The following ROBO2 variants were observed in gnomAD, a reference collection of about 807,000 sequenced individuals.
ROBO2 encodes roundabout homolog 2.
Under a neutral mutation model 160.8 loss-of-function variants are expected in ROBO2, and 53 were observed. The ratio of observed to expected loss-of-function variants is 0.33; its 90% CI spans 0.26 to 0.41. The LOEUF is 0.41. Among genes scored for constraint, ROBO2 ranks in the 10% least tolerant of loss-of-function variants. The pLI is 1.00. For missense variants in ROBO2, 1,577 were observed against 1,722.4 expected (o/e 0.92, Z 1.49); for synonymous variants, 664 against 611.7 (o/e 1.09, Z -1.26).
At chr3:76,226,417 G>T (rs559238179) in intron 2 of ROBO2, among the ~76,000 whole-genome samples, 1 of 152,172 alleles carries the variant, frequency 6.6e-6, no homozygotes, top group South Asian at 2.1e-4. Context: ...TGCCCTGAAG[G>T]GTGGTGATGA....
chr3:76,158,889 T>C (rs956191319), intron 2 of ROBO2, among the ~76,000 whole-genome samples: 23 of 152,188 alleles, frequency 1.5e-4, no homozygotes, highest in African/African-American at 3.9e-4. Flanking sequence ...CATAAAAATA[T>C]AGTGTTACAG....
chr3:76,001,921 C>T (rs1470769555), intron 2 of ROBO2, among the ~76,000 whole-genome samples: 2 of 152,122 alleles, frequency 1.3e-5, no homozygotes, highest in Non-Finnish European at 2.9e-5. Context: ...CGGATATTTT[C>T]TCTTAGCACT....
At chr3:76,465,228 T>C (rs1283129993) in intron 2 of ROBO2, among the ~76,000 whole-genome samples, 2 of 152,104 alleles carry the variant, frequency 1.3e-5, no homozygotes, top group Non-Finnish European at 2.9e-5. Context: ...TATCTTAAGA[T>C]ATGTTTCTAC....
At chr3:76,108,714 C>G (rs918472804) in intron 2 of ROBO2, among the ~76,000 whole-genome samples, 2 of 151,170 alleles carry the variant, frequency 1.3e-5, no homozygotes, top group Non-Finnish European at 3.0e-5. Flanking sequence ...TTAAGTAATT[C>G]ATTGAACACA....
chr3:77,089,310 T>C (rs975202259), intron 1 of ROBO2, among the ~76,000 whole-genome samples: 2 of 152,176 alleles, frequency 1.3e-5, no homozygotes, highest in African/African-American at 4.8e-5. Context: ...TCCTCATCTA[T>C]AAAATAAGGG....
intron 2 of ROBO2, among the ~76,000 whole-genome samples, chr3:76,946,338 G>A (rs188543784): frequency 2.0e-5 from 3 of 152,030 alleles, no homozygotes; most frequent in African/African-American, 4.8e-5. Context: ...TCTCACACAC[G>A]TACTGATTAC....
chr3:76,216,853 A>T (rs1317228773), intron 2 of ROBO2, among the ~76,000 whole-genome samples: 3 of 152,232 alleles, frequency 2.0e-5, no homozygotes, highest in African/African-American at 7.2e-5. Flanking sequence ...TCAACAGAAT[A>T]TAAATTCTTT....
intron 6 of ROBO2, among the ~76,000 whole-genome samples, chr3:77,538,492 T>C (rs1312185365): frequency 6.6e-6 from 1 of 152,134 alleles, no homozygotes; most frequent in Non-Finnish European, 1.5e-5. Flanking sequence ...TTTACATTTC[T>C]TGGAAATAGT....
chr3:76,603,345 AAAAAAAATATATAT>A (rs1200481407), intron 2 of ROBO2, among the ~76,000 whole-genome samples: 1,125 of 62,112 alleles, frequency 0.018, 5 homozygotes, highest in Middle Eastern at 0.028. Context: ...AAAAAAAAAA[AAAAAAAATATATAT>A]ATATATATAT....
chr3:77,581,985 A>C (rs971405940), intron 16 of ROBO2, among the ~76,000 whole-genome samples: 1 of 152,106 alleles, frequency 6.6e-6, no homozygotes, highest in Non-Finnish European at 1.5e-5. Context: ...ATTATTATTA[A>C]ATGGCTACGT....
At chr3:76,503,495 T>C (rs1246324540) in intron 2 of ROBO2, among the ~76,000 whole-genome samples, 4 of 152,212 alleles carry the variant, frequency 2.6e-5, no homozygotes, top group Admixed American at 2.6e-4. Flanking sequence ...AAAAGATGTT[T>C]GAACTCCCAT....
At chr3:76,903,226 A>G (rs1311718883) in intron 2 of ROBO2, among the ~76,000 whole-genome samples, 1 of 152,092 alleles carries the variant, frequency 6.6e-6, no homozygotes, top group African/African-American at 2.4e-5. Flanking sequence ...CTTTATCAAA[A>G]CCAATGTTTC....
chr3:76,934,245 A>G lies in ROBO2; in HGVS notation c.110-163769A>G, dbSNP rs551587873. Among the ~76,000 whole-genome samples, 7 of 152,172 alleles carry G rather than the reference A, an allele frequency of 4.6e-5. No individual in the cohort carries two copies. The East Asian group carries it at 1.4e-3, about 29-fold the overall frequency. ...AAAGATTAAACCACTTTTTAGGTACAAAACAAATTTTTACAAGCCTTTAAG... is the reference window on the plus strand; with the variant it reads ...AAAGATTAAACCACTTTTTAGGTACGAAACAAATTTTTACAAGCCTTTAAG... On this transcript the variant is annotated intron_variant, in intron 2 of 26. Coordinates refer to the ROBO2 transcript ENST00000487694.
intron 2 of ROBO2, among the ~76,000 whole-genome samples, chr3:77,300,419 G>A (rs1002866768): frequency 3.9e-5 from 6 of 152,114 alleles, no homozygotes; most frequent in Admixed American, 3.3e-4. Flanking sequence ...CTCCTATAAC[G>A]ACATTGAGTA....
At chr3:77,274,644 A>G (rs1388203733) in intron 2 of ROBO2, among the ~76,000 whole-genome samples, 4 of 152,248 alleles carry the variant, frequency 2.6e-5, no homozygotes, top group Non-Finnish European at 5.9e-5. Flanking sequence ...AATTACATGG[A>G]AAGAATGAAC....
At chr3:76,680,258 C>T (rs1159792974) in intron 2 of ROBO2, among the ~76,000 whole-genome samples, 2 of 151,930 alleles carry the variant, frequency 1.3e-5, no homozygotes, top group African/African-American at 4.8e-5. Context: ...TTACCTCCTA[C>T]ACCCCAAGCA....
chr3:76,940,725 A>G lies in ROBO2; in HGVS notation c.110-157289A>G, dbSNP rs557251481. Among the ~76,000 whole-genome samples the G allele has an allele frequency of 9.9e-5, 15 of 152,276 alleles. No individual in the cohort carries two copies. In the South Asian group the frequency reaches 3.1e-3, roughly 32 times the overall value. ...CTAACTCAATTCTGCTTCCTTTTGTACACTCTCCATTCCAACGGCTTTATT... is the reference window on the plus strand; with the variant it reads ...CTAACTCAATTCTGCTTCCTTTTGTGCACTCTCCATTCCAACGGCTTTATT... On this transcript the variant is annotated intron_variant, in intron 2 of 26. Coordinates refer to the ROBO2 transcript ENST00000487694.
At chr3:77,070,339 A>G (rs897334583) in intron 1 of ROBO2, among the ~76,000 whole-genome samples, 1 of 152,146 alleles carries the variant, frequency 6.6e-6, no homozygotes, top group Non-Finnish European at 1.5e-5. Context: ...TTGGTGGCTT[A>G]GATGTTCATT....
intron 2 of ROBO2, among the ~76,000 whole-genome samples, chr3:76,964,866 T>C (rs936653674): frequency 3.3e-4 from 50 of 152,224 alleles, no homozygotes; most frequent in African/African-American, 1.2e-3. Context: ...TAGTAATTCA[T>C]AGTCTGAATA....
Sources: allele counts gnomAD v4.1 joint callset (sites outside exome capture counted in the v4.1 genomes callset), GRCh38; gene constraint gnomAD v4.1.1; transcripts MANE v1.5; gene names NCBI Gene and HGNC (gene_info 2026-07-23, HGNC 2026-07-21).